The following CPE variants were observed in gnomAD, a reference collection of about 807,000 sequenced individuals.
The protein encoded by CPE is carboxypeptidase E, also known as carbocypeptidase E.
A neutral mutation model predicts 53.5 loss-of-function variants in CPE; 17 were observed. The observed-to-expected ratio is 0.32, with a 90% CI of 0.22 to 0.48. CPE has a LOEUF of 0.48. Ranked by LOEUF, CPE falls within the 20% of genes least tolerant of loss-of-function variation. The probability of loss-of-function intolerance (pLI) is 0.99; values close to 1 mark genes in which losing one functional copy is unlikely to be tolerated. For missense variants in CPE, 524 were observed against 614.7 expected (o/e 0.85, Z 1.56); for synonymous variants, 226 against 228.8 (o/e 0.99, Z 0.11).
In CPE at chr4:165,379,555, T is replaced by C; in HGVS notation, c.307+27T>C. ...TAAGGGCGCTGCCCCCTGACAGCCC[T>C]GGGGGCATCCCGGAGGGGGGCGGCA... is the stretch of plus-strand genomic sequence containing the variant. On this transcript the variant is annotated intron_variant, in intron 1 of 8. Transcript: ENST00000402744. The surrounding 1 kb of genome is among the most constrained non-coding windows in gnomAD (Gnocchi z 6.0). 4 of 1,188,200 alleles carry C rather than the reference T, an allele frequency of 3.4e-6. No homozygotes were observed. Among genetic ancestry groups the C allele is most frequent in the Non-Finnish European group, 4.3e-6 (4 of 925,720 alleles). 73.6% of individuals were successfully genotyped at this position (1,188,200 alleles called of 1,614,324 possible).
intron 1 of CPE, among the ~76,000 whole-genome samples, chr4:165,380,128 G>A (rs1182489722): frequency 1.3e-5 from 2 of 152,142 alleles, no homozygotes; most frequent in Non-Finnish European, 1.5e-5. Context: ...TCGCTGCTGT[G>A]GATGCTTGGG....
intron 1 of CPE, among the ~76,000 whole-genome samples, chr4:165,438,713 T>A (rs1731553937): frequency 6.6e-6 from 1 of 152,216 alleles, no homozygotes; most frequent in Admixed American, 6.5e-5. Context: ...GAAGAGTTCA[T>A]CGTGACTTCC....
chr4:165,468,612 T>G (rs1236450579), intron 3 of CPE, among the ~76,000 whole-genome samples: 1 of 152,198 alleles, frequency 6.6e-6, no homozygotes, highest in East Asian at 1.9e-4. Flanking sequence ...AGTTACCACC[T>G]CTCAGCGATT....
chr4:165,396,305 A>G (rs142768606), intron 1 of CPE, among the ~76,000 whole-genome samples: 2 of 152,294 alleles, frequency 1.3e-5, no homozygotes, highest in East Asian at 3.9e-4. Context: ...AACTCCTACA[A>G]CTTGACTTTG....
intron 1 of CPE, among the ~76,000 whole-genome samples, chr4:165,451,334 A>G (rs1371765759): frequency 7.9e-5 from 12 of 152,156 alleles, no homozygotes; most frequent in Non-Finnish European, 1.8e-4. Context: ...AAGATCATCT[A>G]TATTATTATT....
chr4:165,452,906 C>T (rs913181657), intron 1 of CPE, among the ~76,000 whole-genome samples: 3 of 152,198 alleles, frequency 2.0e-5, no homozygotes, highest in Admixed American at 6.5e-5. Flanking sequence ...GAATGGGGCT[C>T]AGAAACCTGT....
rs1405729452 is a variant in CPE at position 165,442,025 on chromosome 4, TTTTTTTTTTTGTTTTTTTTTTG to T, written c.308-22354_308-22333del. 6.5e-3 allele frequency among the ~76,000 whole-genome samples: 676 copies of T among 104,752 alleles called. 11 individuals carry two copies. The highest frequency in any genetic ancestry group is 0.027 in the African/African-American group (631 of 23,336). The allele number at this position is 104,752 out of a possible 152,430, so 68.7% of individuals were successfully genotyped here. A position where few individuals can be genotyped will look rare whatever the true frequency, so the allele number is the denominator to read the frequency against. ...TCCTACAGCAAGACGGTGAGTTTGT[TTTTTTTTTTTGTTTTTTTTTTG>T]TTTTTTTTTTTTTGAGACAGGGTCT... On this transcript the variant is annotated intron_variant, in intron 1 of 8. Transcript: ENST00000402744.
intron 3 of CPE, among the ~76,000 whole-genome samples, chr4:165,480,828 T>A (rs1344896726): frequency 6.6e-6 from 1 of 151,966 alleles, no homozygotes; most frequent in Non-Finnish European, 1.5e-5. Context: ...AAGCAGTATA[T>A]AAAATGGCAT....
intron 1 of CPE, among the ~76,000 whole-genome samples, chr4:165,410,446 A>G (rs1228598932): frequency 1.3e-5 from 2 of 152,324 alleles, no homozygotes; most frequent in East Asian, 3.9e-4. Flanking sequence ...TAAACAAAAC[A>G]GGCCAGTAAC....
intron 1 of CPE, among the ~76,000 whole-genome samples, chr4:165,389,474 T>A (rs1730646386): frequency 6.6e-6 from 1 of 152,196 alleles, no homozygotes; most frequent in Non-Finnish European, 1.5e-5. Flanking sequence ...CTATTATTGT[T>A]CTCTGGGTTT....
chr4:165,388,619 A>G (rs1264009833), intron 1 of CPE, among the ~76,000 whole-genome samples: 1 of 152,230 alleles, frequency 6.6e-6, no homozygotes, highest in Non-Finnish European at 1.5e-5. Context: ...TGGATACATT[A>G]CTTGATTCTG....
intron 1 of CPE, among the ~76,000 whole-genome samples, chr4:165,444,494 T>A (rs1295953190): frequency 7.2e-6 from 1 of 138,348 alleles, no homozygotes; most frequent in East Asian, 2.2e-4. Context: ...AAACCACATC[T>A]CTACTGAAAA....
Position 165,491,401 on chromosome 4 carries a change from T to C in CPE, c.1114-1770T>C, listed in dbSNP as rs554453775. Among the ~76,000 whole-genome samples, 4 of 152,334 alleles carry C rather than the reference T, an allele frequency of 2.6e-5. No homozygotes were observed. The South Asian group carries it at 8.3e-4, about 32-fold the overall frequency. ...TATCAGCTAGCATCTTTCTAAGTTT[T>C]ATTGAATGGGGCCTCATTTTAAGAA... On this transcript the variant is annotated intron_variant, in intron 6 of 8. Transcript: ENST00000402744.
chr4:165,445,577 C>G (rs947018462), intron 1 of CPE, among the ~76,000 whole-genome samples: 2 of 151,824 alleles, frequency 1.3e-5, no homozygotes, highest in Non-Finnish European at 2.9e-5. Context: ...AATTGTATAG[C>G]CAGGAATAGA....
chr4:165,460,586 C>T lies in CPE; in HGVS notation c.308-3804C>T, dbSNP rs535866181. On this transcript the variant is annotated intron_variant, in intron 1 of 8. Transcript: ENST00000402744. ...GCAGCCTCCTTGAAGCTGCCTCAAG[C>T]CCCCTTCAGTTACTCCTTTATTCCC... is the stretch of plus-strand genomic sequence containing the variant. 5.3e-5 allele frequency among the ~76,000 whole-genome samples: 8 copies of T among 152,262 alleles called. 1 individual carries two copies. In the South Asian group the frequency reaches 1.7e-3, roughly 32 times the overall value.
intron 1 of CPE, among the ~76,000 whole-genome samples, chr4:165,411,555 T>C (rs145970415): frequency 1.4e-3 from 220 of 152,276 alleles, no homozygotes; most frequent in African/African-American, 5.1e-3. Flanking sequence ...CACTCTCCAT[T>C]GAATAAAGAT....
chr4:165,396,234 C>A (rs1244471357), intron 1 of CPE, among the ~76,000 whole-genome samples: 1 of 151,602 alleles, frequency 6.6e-6, no homozygotes, highest in Non-Finnish European at 1.5e-5. Flanking sequence ...GGCTAGGGAA[C>A]TTATTGGGTG....
chr4:165,493,155 T>G lies in CPE; in HGVS notation c.1114-16T>G, dbSNP rs1424556558. The stretch of plus-strand genomic sequence containing the variant: ...ATAGGTCATATTAATTTTTTGGTTA[T>G]TTTTGACCTTCACAGATACACCGAG... On this transcript the variant is annotated splice_polypyrimidine_tract_variant and intron_variant, in intron 6 of 8. Coordinates refer to ENST00000402744, the MANE Select transcript of CPE (RefSeq NM_001873.4). The G allele has an allele frequency of 1.9e-6, 3 of 1,585,020 alleles. No homozygotes were observed. Among genetic ancestry groups the G allele is most frequent in the Non-Finnish European group, 2.6e-6 (3 of 1,157,730 alleles).
chr4:165,484,359 A>C, intron 4 of CPE, 63 bp from the exon 5 acceptor site: 1 of 1,467,804 alleles, frequency 6.8e-7, no homozygotes, highest in South Asian at 1.3e-5. Flanking sequence ...ATCACTCTTT[A>C]GAAAACATGC....
Sources: allele counts gnomAD v4.1 joint callset (sites outside exome capture counted in the v4.1 genomes callset), GRCh38; gene constraint gnomAD v4.1.1; non-coding constraint Gnocchi (gnomAD v3.1); transcripts MANE v1.5; gene names NCBI Gene and HGNC (gene_info 2026-07-23, HGNC 2026-07-21).